DAB1: variants seen among roughly 807,000 people sequenced by gnomAD.
DAB1 encodes disabled homolog 1.
DAB1 carries 15 observed loss-of-function variants against 64.6 expected under a neutral mutation model. That is an observed-to-expected ratio of 0.23 (90% CI 0.16 to 0.36). The LOEUF is 0.36. DAB1 is among the 10% of genes least tolerant of loss of function. The probability of loss-of-function intolerance (pLI) is 1.00; values close to 1 mark genes in which losing one functional copy is unlikely to be tolerated. For missense variants in DAB1, 596 were observed against 706.7 expected (o/e 0.84, Z 1.78); for synonymous variants, 235 against 251.9 (o/e 0.93, Z 0.64).
chr1:57,461,063 T>C (rs921380217), intron 7 of DAB1, among the ~76,000 whole-genome samples: 1 of 152,162 alleles, frequency 6.6e-6, no homozygotes, highest in Non-Finnish European at 1.5e-5. Context: ...CCTGCCCTTA[T>C]CTGATTTGAG....
chr1:58,434,962 A>G (rs1644925604), intron 3 of DAB1, among the ~76,000 whole-genome samples: 1 of 152,206 alleles, frequency 6.6e-6, no homozygotes, highest in African/African-American at 2.4e-5. Context: ...GAGCCTTAGT[A>G]TCATTTGACA....
At chr1:58,423,715 C>T (rs1166392689) in intron 3 of DAB1, among the ~76,000 whole-genome samples, 1 of 152,212 alleles carries the variant, frequency 6.6e-6, no homozygotes, top group Non-Finnish European at 1.5e-5. Context: ...GGCTACAGCT[C>T]CTGCCAGGTG....
rs143089981 is a variant in DAB1, at chr1:57,015,253, G to A, written c.1074C>T (p.Ala358=). Residue 358 remains alanine (A), a synonymous_variant, in exon 12 of 15, where the codon GCC becomes GCT. Coordinates refer to ENST00000371236, the MANE Select transcript of DAB1 (RefSeq NM_001365792.1). ...PATQQPWPTV[A]GQFPPAAFMP... is the part of the protein sequence containing the mutation. ...TGAAGGCGGCTGGCGGAAACTGCCC[G>A]GCCACAGTTGGCCAGGGCTGCTGAG... 1.0e-4 allele frequency: 169 copies of A among 1,614,068 alleles called. No homozygotes were observed. In the African/African-American group the frequency reaches 1.9e-3, roughly 18 times the overall value.
chr1:57,391,842 C>T (rs1423414688), intron 1 of DAB1, among the ~76,000 whole-genome samples: 1 of 150,750 alleles, frequency 6.6e-6, no homozygotes, highest in African/African-American at 2.4e-5. Context: ...AAGAGGGAGA[C>T]AGCAATTTCA....
At chr1:57,709,047 A>G (rs1646998238) in intron 6 of DAB1, among the ~76,000 whole-genome samples, 1 of 152,054 alleles carries the variant, frequency 6.6e-6, no homozygotes, top group Admixed American at 6.6e-5. Flanking sequence ...AATCTGGAAA[A>G]GTTTTGTTAT....
chr1:57,263,732 A>G (rs891489565), intron 2 of DAB1, among the ~76,000 whole-genome samples: 2 of 152,238 alleles, frequency 1.3e-5, no homozygotes, highest in Non-Finnish European at 2.9e-5. Context: ...AATAGAGGCT[A>G]GACTGGATGT....
chr1:57,897,833 G>A (rs1224735610), intron 5 of DAB1, among the ~76,000 whole-genome samples: 1 of 152,178 alleles, frequency 6.6e-6, no homozygotes, highest in Admixed American at 6.5e-5. Context: ...CTGGGGAAGT[G>A]GCTTGCCAGC....
At chr1:57,270,817 C>G (rs1005373302) in intron 2 of DAB1, among the ~76,000 whole-genome samples, 1 of 152,144 alleles carries the variant, frequency 6.6e-6, no homozygotes, top group Admixed American at 6.5e-5. Flanking sequence ...GTGCCAGGCA[C>G]CTTGCTTGGC....
chr1:57,152,468 G>A (rs1383297987), intron 2 of DAB1, among the ~76,000 whole-genome samples: 1 of 152,172 alleles, frequency 6.6e-6, no homozygotes, highest in Non-Finnish European at 1.5e-5. Flanking sequence ...GAAGATATAG[G>A]GGTTATGCAG....
chr1:57,907,284 C>T (rs1308713608), intron 5 of DAB1, among the ~76,000 whole-genome samples: 1 of 152,190 alleles, frequency 6.6e-6, no homozygotes, highest in Non-Finnish European at 1.5e-5. Flanking sequence ...GCATAGGTAT[C>T]TGGTGGCCAT....
intron 5 of DAB1, among the ~76,000 whole-genome samples, chr1:57,930,555 C>T (rs1010370662): frequency 2.6e-5 from 4 of 152,138 alleles, no homozygotes; most frequent in Non-Finnish European, 5.9e-5. Flanking sequence ...TTTCTTTCAT[C>T]AGAGTTTTAT....
chr1:57,610,380 G>A (rs768575836), intron 7 of DAB1, among the ~76,000 whole-genome samples: 27 of 152,126 alleles, frequency 1.8e-4, no homozygotes, highest in Non-Finnish European at 2.8e-4. Flanking sequence ...TTAAGCCCAT[G>A]AGAAAGGCAT....
chr1:57,119,056 G>A (rs921947368), intron 4 of DAB1, among the ~76,000 whole-genome samples: 1 of 152,128 alleles, frequency 6.6e-6, no homozygotes, highest in Admixed American at 6.5e-5. Context: ...TCGCAGCTTT[G>A]AATGTTTAAA....
chr1:57,454,843 GA>G (rs1467268673), intron 7 of DAB1, among the ~76,000 whole-genome samples: 1 of 151,986 alleles, frequency 6.6e-6, no homozygotes, highest in Non-Finnish European at 1.5e-5. Context: ...GAGCACTGGG[GA>G]TTCTAAAATC....
At chr1:57,186,420 A>G (rs924736997) in intron 2 of DAB1, among the ~76,000 whole-genome samples, 3 of 152,194 alleles carry the variant, frequency 2.0e-5, no homozygotes, top group African/African-American at 7.2e-5. Flanking sequence ...AGGGATATAA[A>G]AAGCAGAGTG....
intron 2 of DAB1, among the ~76,000 whole-genome samples, chr1:57,188,699 T>C (rs1351177567): frequency 6.6e-6 from 1 of 152,182 alleles, no homozygotes; most frequent in Non-Finnish European, 1.5e-5. Context: ...TCCCATTTTG[T>C]TTTATTCATT....
intron 1 of DAB1, among the ~76,000 whole-genome samples, chr1:57,314,940 TAATA>T (rs1331134570): frequency 6.6e-6 from 1 of 152,184 alleles, no homozygotes; most frequent in Non-Finnish European, 1.5e-5. Flanking sequence ...TGAGATATCA[TAATA>T]AATATTAACA....
Position 58,429,941 on chromosome 1 carries a change from T to C in DAB1, n.257+76119A>G, listed in dbSNP as rs531208994. 2.0e-5 allele frequency among the ~76,000 whole-genome samples: 3 copies of C among 152,338 alleles called. No homozygotes were observed. The South Asian group carries it at 6.2e-4, about 32-fold the overall frequency. On this transcript the variant is annotated intron_variant and non_coding_transcript_variant, in intron 3 of 20. Coordinates refer to the DAB1 transcript ENST00000485760. ...TGGTATCTGGTGAGCATCTACTTTC[T>C]TGTTCATAGGCCCCACAGGGCATCC...
At chr1:58,401,131 C>G (rs560457721) in intron 3 of DAB1, among the ~76,000 whole-genome samples, 1 of 152,320 alleles carries the variant, frequency 6.6e-6, no homozygotes, top group East Asian at 1.9e-4. Flanking sequence ...AGAATAGTGA[C>G]TGGCATAACT....
Sources: allele counts gnomAD v4.1 joint callset (sites outside exome capture counted in the v4.1 genomes callset), GRCh38; gene constraint gnomAD v4.1.1; transcripts MANE v1.5; gene names NCBI Gene and HGNC (gene_info 2026-07-23, HGNC 2026-07-21).